Variants in ZNF385B observed in about 807,000 individuals in gnomAD.
ZNF385B encodes zinc finger protein 533.
Under a neutral mutation model 39.2 loss-of-function variants are expected in ZNF385B, and 23 were observed. The observed-to-expected ratio is 0.59, with a 90% CI of 0.42 to 0.83. The LOEUF is 0.83. Ranked by LOEUF, ZNF385B falls within the 40% of genes least tolerant of loss-of-function variation. The pLI, the probability that ZNF385B is intolerant of heterozygous loss-of-function variation, is 0.00. For missense variants in ZNF385B, 552 were observed against 598.9 expected, an observed-to-expected ratio of 0.92 and a Z score of 0.82; for synonymous variants, 205 against 222.6, an observed-to-expected ratio of 0.92 and a Z score of 0.70.
intron 1 of ZNF385B, among the ~76,000 whole-genome samples, chr2:179,792,820 G>C (rs1421135033): frequency 1.3e-5 from 2 of 152,182 alleles, no homozygotes; most frequent in Non-Finnish European, 2.9e-5. Context: ...GAAGGGAAGG[G>C]AAGGGAAAGG....
chr2:179,759,394 C>T (rs1703232956), intron 3 of ZNF385B, among the ~76,000 whole-genome samples: 1 of 152,124 alleles, frequency 6.6e-6, no homozygotes, highest in East Asian at 1.9e-4. Flanking sequence ...CCAGCAGCTG[C>T]CTGTGACTTT....
chr2:179,536,840 A>G (rs1349450701), intron 4 of ZNF385B, among the ~76,000 whole-genome samples: 1 of 152,212 alleles, frequency 6.6e-6, no homozygotes, highest in Non-Finnish European at 1.5e-5. Context: ...ACTATGCATT[A>G]TACAAACATA....
intron 3 of ZNF385B, among the ~76,000 whole-genome samples, chr2:179,755,304 T>C (rs1157078268): frequency 6.6e-6 from 1 of 152,244 alleles, no homozygotes; most frequent in Non-Finnish European, 1.5e-5. Context: ...AGACAGTTTG[T>C]TATAATTTCT....
chr2:179,491,751 T>A (rs1307208236), intron 5 of ZNF385B, among the ~76,000 whole-genome samples: 2 of 152,152 alleles, frequency 1.3e-5, no homozygotes, highest in Non-Finnish European at 2.9e-5. Flanking sequence ...CAGCTTGGAG[T>A]ACAGAGGGGC....
chr2:179,465,445 G>T (rs1462852514), intron 6 of ZNF385B, among the ~76,000 whole-genome samples: 1 of 152,102 alleles, frequency 6.6e-6, no homozygotes, highest in Non-Finnish European at 1.5e-5. Flanking sequence ...TATTTCATGG[G>T]TATTTCAAAC....
At chr2:179,536,802 A>C (rs1356294914) in intron 4 of ZNF385B, among the ~76,000 whole-genome samples, 3 of 152,198 alleles carry the variant, frequency 2.0e-5, no homozygotes, top group Non-Finnish European at 2.9e-5. Context: ...GCCCTGAAAA[A>C]GCAATTTATT....
chr2:179,483,815 C>T (rs2054273435), intron 5 of ZNF385B, among the ~76,000 whole-genome samples: 1 of 152,184 alleles, frequency 6.6e-6, no homozygotes, highest in Non-Finnish European at 1.5e-5. Flanking sequence ...TGGGTATGAC[C>T]TTCCACAGTC....
chr2:179,724,063 C>T (rs979716142), intron 3 of ZNF385B, among the ~76,000 whole-genome samples: 3 of 152,170 alleles, frequency 2.0e-5, no homozygotes, highest in Non-Finnish European at 2.9e-5. Flanking sequence ...AATCACAGCA[C>T]TTTGGGAGGC....
intron 1 of ZNF385B, among the ~76,000 whole-genome samples, chr2:179,811,304 T>G (rs11894714): frequency 0.014 from 2,143 of 152,228 alleles, 45 homozygotes; most frequent in African/African-American, 0.048. Context: ...TAAAAAGAAC[T>G]ATTATTAAAT....
At chr2:179,618,874 T>A (rs1250771584) in intron 3 of ZNF385B, among the ~76,000 whole-genome samples, 2 of 152,202 alleles carry the variant, frequency 1.3e-5, no homozygotes, top group Admixed American at 1.3e-4. Flanking sequence ...CCTTCTTCTC[T>A]TCTACTTACA....
At chr2:179,645,155 C>G (rs781195669) in intron 3 of ZNF385B, among the ~76,000 whole-genome samples, 7 of 152,170 alleles carry the variant, frequency 4.6e-5, no homozygotes, top group Non-Finnish European at 4.4e-5. Context: ...ATTAGACTTA[C>G]AGCAAATGAA....
chr2:179,791,927 G>A (rs1705350703), intron 1 of ZNF385B, among the ~76,000 whole-genome samples: 1 of 151,872 alleles, frequency 6.6e-6, no homozygotes, highest in African/African-American at 2.4e-5. Context: ...CCAGCTAATT[G>A]TTTTTTGTAT....
intron 3 of ZNF385B, among the ~76,000 whole-genome samples, chr2:179,739,643 T>A (rs1285020531): frequency 6.6e-6 from 1 of 152,182 alleles, no homozygotes; most frequent in South Asian, 2.1e-4. Flanking sequence ...TTCACCAGAT[T>A]TTATTAGTTT....
chr2:179,639,249 A>AAAAAAAAAAAG (rs71029824), intron 3 of ZNF385B, among the ~76,000 whole-genome samples: 2 of 128,706 alleles, frequency 1.6e-5, no homozygotes, highest in African/African-American at 5.6e-5. Context: ...AAAAAAAAAA[A>AAAAAAAAAAAG]GGGGGAGAAA....
intron 6 of ZNF385B, among the ~76,000 whole-genome samples, chr2:179,462,104 G>A (rs942103056): frequency 6.6e-6 from 1 of 152,044 alleles, no homozygotes; most frequent in Non-Finnish European, 1.5e-5. Flanking sequence ...ACTAAACAGA[G>A]GCATGCAGTG....
intron 6 of ZNF385B, among the ~76,000 whole-genome samples, chr2:179,468,481 A>C (rs2052365863): frequency 6.6e-6 from 1 of 152,208 alleles, no homozygotes; most frequent in African/African-American, 2.4e-5. Context: ...GCTCAAATCA[A>C]ATTCCTCAGG....
At chr2:179,774,485 T>C (rs1704197016) in intron 1 of ZNF385B, among the ~76,000 whole-genome samples, 1 of 152,014 alleles carries the variant, frequency 6.6e-6, no homozygotes, top group Non-Finnish European at 1.5e-5. Context: ...CTCAGCCTCC[T>C]GAGTAACTGG....
chr2:179,659,632 T>C (rs1300502919), intron 3 of ZNF385B, among the ~76,000 whole-genome samples: 1 of 152,116 alleles, frequency 6.6e-6, no homozygotes, highest in Non-Finnish European at 1.5e-5. Flanking sequence ...AAACTGACAA[T>C]CTAGGGATTT....
At chr2:179,673,878 T>C (rs1262486827) in intron 3 of ZNF385B, among the ~76,000 whole-genome samples, 1 of 152,234 alleles carries the variant, frequency 6.6e-6, no homozygotes, top group East Asian at 1.9e-4. Flanking sequence ...CATTATTTCA[T>C]TTACAGCAGT....
Sources: gnomAD v4.1 joint callset for allele counts (sites outside exome capture counted in the v4.1 genomes callset) on GRCh38, gnomAD v4.1.1 for gene constraint, MANE v1.5 for transcripts, NCBI Gene and HGNC (gene_info 2026-07-23, HGNC 2026-07-21) for gene names.